Variants in SERPINI1 observed in about 807,000 individuals in gnomAD.
SERPINI1 encodes the protein neuroserpin.
In SERPINI1, 19 loss-of-function variants were observed where a neutral mutation model predicts 41.1. That is an observed-to-expected ratio of 0.46 (90% confidence interval 0.32 to 0.68). SERPINI1 has a LOEUF of 0.68. Among genes scored for constraint, SERPINI1 ranks in the 30% least tolerant of loss-of-function variants. The pLI, the probability that SERPINI1 is intolerant of heterozygous loss-of-function variation, is 0.03. For synonymous variants in SERPINI1, 138 were observed against 156.6 expected, an observed-to-expected ratio of 0.88 and a Z score of 0.89; for missense variants, 460 against 479.2, an observed-to-expected ratio of 0.96 and a Z score of 0.37.
intron 1 of SERPINI1, among the ~76,000 whole-genome samples, chr3:167,750,308 T>C (rs1485627772): frequency 6.6e-6 from 1 of 152,216 alleles, no homozygotes; most frequent in Non-Finnish European, 1.5e-5. Context: ...TTACACATTA[T>C]GTAACATATC....
chr3:167,777,571 G>A (rs115679822), intron 1 of SERPINI1, among the ~76,000 whole-genome samples: 1,653 of 152,198 alleles, frequency 0.011, 38 homozygotes, highest in African/African-American at 0.038. Context: ...AAAGCTTTTT[G>A]GAAGTCTCAG....
intron 5 of SERPINI1, among the ~76,000 whole-genome samples, chr3:167,804,447 T>C (rs1711554759): frequency 6.6e-6 from 1 of 152,210 alleles, no homozygotes; most frequent in South Asian, 2.1e-4. Context: ...CTGTATTAAT[T>C]AGGAGGCAAC....
At chr3:167,744,576 A>G (rs1041172267) in intron 1 of SERPINI1, among the ~76,000 whole-genome samples, 1 of 144,904 alleles carries the variant, frequency 6.9e-6, no homozygotes, top group Admixed American at 7.1e-5. Flanking sequence ...TTTAAAATAT[A>G]GTTAATATTT....
chr3:167,820,003 A>C (rs2108573810), intron 6 of SERPINI1, among the ~76,000 whole-genome samples: 1 of 152,252 alleles, frequency 6.6e-6, no homozygotes, highest in South Asian at 2.1e-4. Flanking sequence ...ATTGAATGCC[A>C]TTTTATGGTT....
Position 167,755,276 on chromosome 3 carries a change from A to G in SERPINI1, c.-19+19453A>G, listed in dbSNP as rs141769224. Among the ~76,000 whole-genome samples the G allele has an allele frequency of 6.7e-3, 1,027 of 152,318 alleles. 17 individuals carry two copies. Among genetic ancestry groups the G allele is most frequent in the African/African-American group, 0.024 (993 of 41,578 alleles). On this transcript the variant is annotated intron_variant, in intron 1 of 8. Coordinates refer to ENST00000446050, the MANE Select transcript of SERPINI1 (RefSeq NM_001122752.2). ...GAAACTCTGAAAGAAAGCACATGGC[A>G]TTATCACGATCACTCCAAATGGACC... is the stretch of plus-strand genomic sequence containing the variant.
At chr3:167,793,596 A>ATATATATATTTTTTT in intron 4 of SERPINI1, among the ~76,000 whole-genome samples, 8 of 140,610 alleles carry the variant, frequency 5.7e-5, no homozygotes, top group African/African-American at 2.2e-4. Context: ...ATATATATAT[A>ATATATATATTTTTTT]TTTTTAATTA....
At chr3:167,763,666 T>C (rs1559999202) in intron 1 of SERPINI1, among the ~76,000 whole-genome samples, 1 of 152,136 alleles carries the variant, frequency 6.6e-6, no homozygotes, top group Non-Finnish European at 1.5e-5. Flanking sequence ...CACACTTGAG[T>C]GTGTCTAACA....
At chr3:167,776,539 C>T (rs1214135471) in intron 1 of SERPINI1, among the ~76,000 whole-genome samples, 4 of 152,154 alleles carry the variant, frequency 2.6e-5, no homozygotes, top group Non-Finnish European at 4.4e-5. Context: ...TAGCTAAGGA[C>T]ACATGTTTTG....
chr3:167,751,820 T>C (rs1039077633), intron 1 of SERPINI1, among the ~76,000 whole-genome samples: 1 of 152,104 alleles, frequency 6.6e-6, no homozygotes, highest in Non-Finnish European at 1.5e-5. Context: ...TTCTCCTTCA[T>C]GTGTGAAGTG....
chr3:167,807,011 T>C (rs1360304427), intron 5 of SERPINI1, among the ~76,000 whole-genome samples: 1 of 152,210 alleles, frequency 6.6e-6, no homozygotes, highest in African/African-American at 2.4e-5. Flanking sequence ...GTTTTGTGTC[T>C]ATATCATATA....
rs151172787 is a variant in SERPINI1 at position 167,796,644 on chromosome 3, A to G, written c.881+1820A>G. 7.2e-4 allele frequency among the ~76,000 whole-genome samples: 109 copies of G among 152,236 alleles called. 1 individual carries two copies. Among genetic ancestry groups the G allele is most frequent in the African/African-American group, 2.5e-3 (102 of 41,558 alleles). On this transcript the variant is annotated intron_variant, in intron 5 of 8. Coordinates refer to ENST00000446050, the MANE Select transcript of SERPINI1 (RefSeq NM_001122752.2). Reference sequence around the variant, plus strand: ...GTTCCTGTGTCAGTTTGCTGAAGATAATAGCTCCCAGCTCCATCCATGTCC... The same window carrying G: ...GTTCCTGTGTCAGTTTGCTGAAGATGATAGCTCCCAGCTCCATCCATGTCC...
Position 167,804,177 on chromosome 3 carries a change from G to A in SERPINI1, c.882-3067G>A, listed in dbSNP as rs532762646. Among the ~76,000 whole-genome samples, 3 of 152,210 alleles carry A rather than the reference G, an allele frequency of 2.0e-5. No homozygotes were observed. In the South Asian group the frequency reaches 6.2e-4, roughly 32 times the overall value. On this transcript the variant is annotated intron_variant, in intron 5 of 8. Transcript: ENST00000446050. ...AAAATAAATAATATCAAGTCAAAGT[G>A]CAAAATTTAGATAAAATTTAGCACT...
At chr3:167,784,783 G>A (rs980028842) in intron 1 of SERPINI1, among the ~76,000 whole-genome samples, 4 of 152,082 alleles carry the variant, frequency 2.6e-5, no homozygotes, top group African/African-American at 4.8e-5. Context: ...TGGGGATTAT[G>A]GGGATTACAA....
chr3:167,803,035 C>T (rs1711504857), intron 5 of SERPINI1, among the ~76,000 whole-genome samples: 2 of 151,860 alleles, frequency 1.3e-5, no homozygotes, highest in South Asian at 4.2e-4. Context: ...GATGAAAAAA[C>T]CAAACACCGC....
chr3:167,809,143 G>C (rs962424091), intron 6 of SERPINI1, among the ~76,000 whole-genome samples: 25 of 152,038 alleles, frequency 1.6e-4, no homozygotes, highest in African/African-American at 5.3e-4. Flanking sequence ...CTCTTCAATG[G>C]GGTTATCAAG....
chr3:167,824,577 A>T lies in SERPINI1; in HGVS notation c.1156+15A>T, dbSNP rs1351308564. ...CAGGAGAACTGGTAAGTTTATTATG[A>T]AAACAAAATTTTATTTAATAGGTCA... On this transcript the variant is annotated intron_variant, in intron 8 of 8. Coordinates refer to ENST00000446050, the MANE Select transcript of SERPINI1 (RefSeq NM_001122752.2). The T allele has an allele frequency of 6.4e-7, 1 of 1,568,562 alleles. No individual in the cohort carries two copies. Among genetic ancestry groups the T allele is most frequent in the Non-Finnish European group, 8.8e-7 (1 of 1,139,706 alleles).
At chr3:167,776,596 G>A (rs372895678) in intron 1 of SERPINI1, among the ~76,000 whole-genome samples, 2 of 152,230 alleles carry the variant, frequency 1.3e-5, no homozygotes, top group East Asian at 3.8e-4. Flanking sequence ...TTAAACACTT[G>A]AATTATGGGC....
intron 1 of SERPINI1, among the ~76,000 whole-genome samples, chr3:167,745,116 G>C (rs1011547354): frequency 2.6e-5 from 4 of 151,312 alleles, no homozygotes; most frequent in Non-Finnish European, 5.9e-5. Context: ...TTGCTAGAAA[G>C]ACACAAACTA....
At chr3:167,825,188 A>G (rs1712475485) in intron 8 of SERPINI1, 59 bp from the exon 9 acceptor site, 2 of 1,035,046 alleles carry the variant, frequency 1.9e-6, no homozygotes, top group Admixed American at 3.4e-5. Flanking sequence ...GCAAGAAGGA[A>G]GATAAATATT....
Sources: allele counts gnomAD v4.1 joint callset (sites outside exome capture counted in the v4.1 genomes callset), GRCh38; gene constraint gnomAD v4.1.1; transcripts MANE v1.5; gene names NCBI Gene and HGNC (gene_info 2026-07-23, HGNC 2026-07-21).